ASZ1: variants seen among roughly 807,000 people sequenced by gnomAD.
ASZ1 encodes ankyrin repeat, SAM and basic leucine zipper domain containing 1.
In ASZ1, 67 loss-of-function variants were observed where a neutral mutation model predicts 61.8. That is an observed-to-expected ratio of 1.08 (90% CI 0.89 to 1.33). The LOEUF is 1.33. ASZ1 is among the 40% of genes most tolerant of loss of function. The probability of loss-of-function intolerance (pLI) is 0.00; values close to 1 mark genes in which losing one functional copy is unlikely to be tolerated. For missense variants in ASZ1, 577 were observed against 554.5 expected (o/e 1.04, Z -0.41); for synonymous variants, 193 against 192.7 (o/e 1.00, Z -0.01).
rs760587484 is a variant in ASZ1, at chr7:117,381,061, C to T, written c.895G>A (p.Asp299Asn). 2.5e-6 allele frequency: 4 copies of T among 1,585,982 alleles called. No homozygotes were observed. Among genetic ancestry groups the T allele is most frequent in the Non-Finnish European group, 3.4e-6 (4 of 1,165,714 alleles). Residue 299 changes from aspartate to asparagine, a missense_variant, in exon 9 of 13, where the codon GAT becomes AAT. Coordinates refer to ENST00000284629, the MANE Select transcript of ASZ1 (RefSeq NM_130768.3). Reference sequence around the variant, plus strand: ...GTCAAAAGATGTCTTAACGTTATATCCCTTTCCTGTATAAAAGGAAAAAAA... The same window carrying T: ...GTCAAAAGATGTCTTAACGTTATATTCCTTTCCTGTATAAAAGGAAAAAAA... ...EHMTDLLKERDITLRHLLTMR... is the reference protein window; with the variant it reads ...EHMTDLLKERNITLRHLLTMR...
intron 11 of ASZ1, chr7:117,368,277 G>T: frequency 1.0e-6 from 1 of 981,230 alleles, no homozygotes; most frequent in Non-Finnish European, 1.2e-6. Context: ...TATTGATATG[G>T]TTTTTAAATA....
chr7:117,381,033 A>G lies in ASZ1; in HGVS notation c.923T>C (p.Met308Thr), dbSNP rs1285533171. ...RDITLRHLLT[M>T]REDEFTKNGI... is the part of the protein sequence containing the mutation. ...AACCTTTGTAAATTCATCTTCCCTC[A>G]TGGTCAAAAGATGTCTTAACGTTAT... is the stretch of plus-strand genomic sequence containing the variant. The change falls in exon 9 of 13, where the codon ATG becomes ACG. Residue 308 changes from methionine to threonine, a missense_variant. Physicochemically the swap from Met to Thr is moderately conservative, Grantham distance 81. Coordinates refer to ENST00000284629, the MANE Select transcript of ASZ1 (RefSeq NM_130768.3). The G allele has an allele frequency of 8.1e-6, 13 of 1,598,812 alleles. No individual in the cohort carries two copies. Among genetic ancestry groups the G allele is most frequent in the Non-Finnish European group, 1.1e-5 (13 of 1,172,072 alleles).
At chr7:117,382,913 C>A in intron 7 of ASZ1, 73 bp downstream of exon 7, 5 of 1,340,890 alleles carry the variant, frequency 3.7e-6, no homozygotes, top group South Asian at 3.3e-5. Context: ...AATAAGTCAC[C>A]ACATTTACTA....
chr7:117,398,258 T>C (rs1562854357), intron 4 of ASZ1, among the ~76,000 whole-genome samples: 1 of 152,206 alleles, frequency 6.6e-6, no homozygotes, highest in Non-Finnish European at 1.5e-5. Context: ...GCCAAGAACC[T>C]GGATGTCTCA....
Position 117,380,029 on chromosome 7 carries a change from C to CT in ASZ1, c.963dup (p.Asp322ArgfsTer10). On this transcript the variant is annotated frameshift_variant, in exon 10 of 13. Coordinates refer to ENST00000284629, the MANE Select transcript of ASZ1 (RefSeq NM_130768.3). LOFTEE classifies it high-confidence loss of function. ...AGAGCAGCCAGAATTTTCTGCTGGT[C>CT]TTTACTGGTAATTCCATTCTAAGCA... 6.3e-7 allele frequency: 1 copy of CT among 1,597,130 alleles called. No homozygotes were observed. The highest frequency in any genetic ancestry group is 1.1e-5 in the South Asian group (1 of 90,318).
At chr7:117,378,088 A>G (rs1198575263) in intron 10 of ASZ1, among the ~76,000 whole-genome samples, 1 of 152,126 alleles carries the variant, frequency 6.6e-6, no homozygotes, top group Non-Finnish European at 1.5e-5. Flanking sequence ...TTCTGGGAAA[A>G]AAGCACAGGA....
At chr7:117,427,140 C>T (rs1219971241) in intron 1 of ASZ1, among the ~76,000 whole-genome samples, 2 of 152,034 alleles carry the variant, frequency 1.3e-5, no homozygotes, top group South Asian at 2.1e-4. Context: ...TGAGGAGTTA[C>T]GATGACCTAA....
At chr7:117,422,729 G>A (rs1797123050) in intron 2 of ASZ1, among the ~76,000 whole-genome samples, 1 of 152,146 alleles carries the variant, frequency 6.6e-6, no homozygotes, top group South Asian at 2.1e-4. Flanking sequence ...GGCAATATCA[G>A]TTATCTCTAT....
rs1796114530 is a variant in ASZ1, at chr7:117,375,145, T to C, written c.1055+4793A>G. ...CTAGTTGGTGGAATGAAAACAATTA[T>C]TATAGGTTATTTCGGATTATAAAAT... On this transcript the variant is annotated intron_variant, in intron 10 of 12. Transcript: ENST00000284629. Among the ~76,000 whole-genome samples, 4 of 152,140 alleles carry C rather than the reference T, an allele frequency of 2.6e-5. No homozygotes were observed. In the South Asian group the frequency reaches 8.3e-4, roughly 32 times the overall value.
chr7:117,395,190 CTT>C (rs1447940970), intron 4 of ASZ1, among the ~76,000 whole-genome samples: 2 of 152,108 alleles, frequency 1.3e-5, no homozygotes, highest in Admixed American at 6.5e-5. Context: ...GCGAGCGACT[CTT>C]TTTCCATTCC....
rs1795991218 is a variant in ASZ1, at chr7:117,368,695, G to A, written c.1078C>T (p.Leu360Phe). 6.2e-7 allele frequency: 1 copy of A among 1,612,540 alleles called. No homozygotes were observed. The highest frequency in any genetic ancestry group is 8.5e-7 in the Non-Finnish European group (1 of 1,179,314). Residue 360 changes from leucine (L) to phenylalanine (F), a missense_variant, in exon 11 of 13, where the codon CTT becomes TTT. Transcript: ENST00000284629. ...CCACACTGTTTATTTAATTTGAGAA[G>A]AAAGTTGAGGAACTCATCACCACTA... ...EISGDEFLNF[L>F]LKLNKQCGHL...
chr7:117,424,970 C>T (rs946930336), intron 2 of ASZ1, among the ~76,000 whole-genome samples: 1 of 152,148 alleles, frequency 6.6e-6, no homozygotes, highest in Non-Finnish European at 1.5e-5. Context: ...TAATAATCCT[C>T]ATTTTAAAAC....
At chr7:117,387,144 T>TAAA (rs577384608) in intron 4 of ASZ1, among the ~76,000 whole-genome samples, 27 of 121,792 alleles carry the variant, frequency 2.2e-4, no homozygotes, top group Middle Eastern at 4.1e-3. Context: ...TACCTCTACT[T>TAAA]AAAAAAAAAA....
chr7:117,394,730 C>T (rs1251836342), intron 4 of ASZ1, among the ~76,000 whole-genome samples: 1 of 152,140 alleles, frequency 6.6e-6, no homozygotes, highest in African/African-American at 2.4e-5. Context: ...ATTTCTTTAG[C>T]CCTTTGTGTT....
At chr7:117,369,092 T>G (rs1296184397) in intron 10 of ASZ1, among the ~76,000 whole-genome samples, 1 of 152,224 alleles carries the variant, frequency 6.6e-6, no homozygotes, top group Non-Finnish European at 1.5e-5. Context: ...ATAGATGTTG[T>G]TAATACTATT....
intron 10 of ASZ1, among the ~76,000 whole-genome samples, 155 bp from the exon 11 acceptor site, chr7:117,368,872 T>C (rs1330935440): frequency 6.6e-6 from 1 of 152,124 alleles, no homozygotes; most frequent in South Asian, 2.1e-4. Flanking sequence ...GAAACAGGCA[T>C]TGATTATAAA....
intron 12 of ASZ1, 79 bp downstream of exon 12, chr7:117,367,273 A>G: frequency 9.0e-7 from 1 of 1,112,952 alleles, no homozygotes; most frequent in African/African-American, 1.6e-5. Flanking sequence ...CTCTTACCAG[A>G]ACTGCTTCAT....
chr7:117,370,915 C>T (rs1796039483), intron 10 of ASZ1, among the ~76,000 whole-genome samples: 1 of 150,980 alleles, frequency 6.6e-6, no homozygotes. Flanking sequence ...AACCTCTGCT[C>T]CTGGGTTCAA....
At position 117,382,055 on chromosome 7, in the gene ASZ1, A is replaced by T; in HGVS notation, c.888+14T>A. Reference sequence around the variant, plus strand: ...ATATATGCATAACTCACTGTAGGTTATATAAGATCTTACCTTTAGTAAATC... The same window carrying T: ...ATATATGCATAACTCACTGTAGGTTTTATAAGATCTTACCTTTAGTAAATC... On this transcript the variant is annotated intron_variant, in intron 8 of 12. Coordinates refer to ENST00000284629, the MANE Select transcript of ASZ1 (RefSeq NM_130768.3). 6.7e-7 allele frequency: 1 copy of T among 1,487,246 alleles called. No individual in the cohort carries two copies. Among genetic ancestry groups the T allele is most frequent in the Non-Finnish European group, 9.4e-7 (1 of 1,066,934 alleles). 92.1% of individuals were successfully genotyped at this position (1,487,246 alleles called of 1,614,324 possible).
Sources: gnomAD v4.1 joint callset for allele counts (sites outside exome capture counted in the v4.1 genomes callset) on GRCh38, gnomAD v4.1.1 for gene constraint, MANE v1.5 for transcripts, NCBI Gene and HGNC (gene_info 2026-07-23, HGNC 2026-07-21) for gene names.